The following GORAB variants were observed in gnomAD, a reference collection of about 807,000 sequenced individuals.
The protein encoded by GORAB is RAB6-interacting golgin.
GORAB carries 17 observed loss-of-function variants against 29.9 expected under a neutral mutation model. The observed-to-expected ratio is 0.57, with a 90% CI of 0.39 to 0.85. GORAB has a LOEUF of 0.85. Ranked by LOEUF, GORAB falls within the 40% of genes least tolerant of loss-of-function variation. The pLI, the probability that GORAB is intolerant of heterozygous loss-of-function variation, is 0.00. For synonymous variants in GORAB, 183 were observed against 157.2 expected (o/e 1.16, Z -1.23); for missense variants, 442 against 437.8 (o/e 1.01, Z -0.09).
At chr1:170,543,002 C>T (rs1285171009) in intron 3 of GORAB, among the ~76,000 whole-genome samples, 1 of 152,062 alleles carries the variant, frequency 6.6e-6, no homozygotes, top group Non-Finnish European at 1.5e-5. Flanking sequence ...TGACATACTC[C>T]CATGAATCTT....
intron 2 of GORAB, among the ~76,000 whole-genome samples, chr1:170,541,357 A>G (rs1288730607): frequency 1.3e-5 from 2 of 152,088 alleles, no homozygotes; most frequent in African/African-American, 4.8e-5. Flanking sequence ...GTTACCATGA[A>G]GCTCTCTGAG....
At chr1:170,544,647 T>TATGG in intron 3 of GORAB, 58 bp from the exon 4 acceptor site, 1 of 1,458,068 alleles carries the variant, frequency 6.9e-7, no homozygotes, top group Non-Finnish European at 9.6e-7. Flanking sequence ...TTACATTGTA[T>TATGG]ATGGACACAT....
intron 3 of GORAB, among the ~76,000 whole-genome samples, chr1:170,543,425 G>C (rs1354408151): frequency 6.6e-6 from 1 of 151,922 alleles, no homozygotes; most frequent in African/African-American, 2.4e-5. Flanking sequence ...TATGTGTAGG[G>C]GCAGGAGAAG....
chr1:170,538,298 A>G (rs1649179004), intron 1 of GORAB, among the ~76,000 whole-genome samples: 1 of 152,194 alleles, frequency 6.6e-6, no homozygotes, highest in African/African-American at 2.4e-5. Flanking sequence ...TTTTGCTTCA[A>G]AAGTCAATAT....
chr1:170,549,419 T>G (rs554971175), intron 4 of GORAB, among the ~76,000 whole-genome samples: 1 of 152,344 alleles, frequency 6.6e-6, no homozygotes, highest in Non-Finnish European at 1.5e-5. Flanking sequence ...CTTCAGTGAT[T>G]TATCCAGGGT....
intron 4 of GORAB, among the ~76,000 whole-genome samples, chr1:170,550,432 T>C (rs1650036511): frequency 6.6e-6 from 1 of 152,226 alleles, no homozygotes; most frequent in Admixed American, 6.5e-5. Flanking sequence ...CTTCTAAGCA[T>C]TGAAAAGAAT....
intron 1 of GORAB, among the ~76,000 whole-genome samples, chr1:170,532,856 G>C (rs1217470184): frequency 6.6e-6 from 1 of 152,138 alleles, no homozygotes. Context: ...TCTTTGAGAG[G>C]GTAGATGTGA....
At chr1:170,543,839 G>A (rs1041615299) in intron 3 of GORAB, among the ~76,000 whole-genome samples, 1 of 152,028 alleles carries the variant, frequency 6.6e-6, no homozygotes, top group African/African-American at 2.4e-5. Flanking sequence ...ATTAATAAAT[G>A]GACAATGAAG....
intron 3 of GORAB, among the ~76,000 whole-genome samples, chr1:170,542,916 C>T (rs1649523499): frequency 6.6e-6 from 1 of 152,096 alleles, no homozygotes; most frequent in Admixed American, 6.6e-5. Context: ...AAATTAGCAA[C>T]AAATGCAAGT....
At position 170,545,071 on chromosome 1, in the gene GORAB, T is replaced by G. The variant is rs112539784; in HGVS notation, c.662+226T>G. The G allele has an allele frequency of 2.4e-3, 2,932 of 1,220,264 alleles. 60 individuals are homozygous for G. In the African/African-American group the frequency reaches 0.041, roughly 17 times the overall value. The allele number at this position is 1,220,264 out of a possible 1,614,324, so 75.6% of individuals were successfully genotyped here. A position where few individuals can be genotyped will look rare whatever the true frequency, so the allele number is the denominator to read the frequency against. On this transcript the variant is annotated intron_variant, in intron 4 of 4. Transcript: ENST00000367763. ...TGTTCGTGTGCCATTAGAGCAGTTC[T>G]TGCATTATTTATTTACGTTTTAGTC...
rs749435848 is a variant in GORAB at position 170,532,205 on chromosome 1, G to T, written c.-19G>T. The stretch of plus-strand genomic sequence containing the variant: ...CTGCGAGATTTGGGCACTTTTGGGG[G>T]TGCCGGTGGCCCGGGCCGATGGCGC... On this transcript the variant is annotated 5_prime_UTR_variant, in exon 1 of 5. Transcript: ENST00000367763. 1.9e-6 allele frequency: 3 copies of T among 1,614,000 alleles called. No individual in the cohort carries two copies. Among genetic ancestry groups the T allele is most frequent in the Non-Finnish European group, 2.5e-6 (3 of 1,180,050 alleles).
chr1:170,534,123 A>C (rs139052764), intron 1 of GORAB, among the ~76,000 whole-genome samples: 618 of 152,330 alleles, frequency 4.1e-3, no homozygotes, highest in Non-Finnish European at 6.1e-3. Flanking sequence ...TAATATTAAG[A>C]AGTTGGAAAC....
chr1:170,535,248 A>G (rs1648985766), intron 1 of GORAB, among the ~76,000 whole-genome samples: 1 of 152,240 alleles, frequency 6.6e-6, no homozygotes, highest in Admixed American at 6.5e-5. Context: ...GTCTATCCTT[A>G]AAGAGTAGTT....
intron 2 of GORAB, among the ~76,000 whole-genome samples, chr1:170,541,715 A>G (rs1190729126): frequency 6.6e-6 from 1 of 152,212 alleles, no homozygotes; most frequent in African/African-American, 2.4e-5. Flanking sequence ...TATTTATTTT[A>G]GAATTGGACA....
At chr1:170,542,105 AATATGAC>A (rs1469380664) in intron 2 of GORAB, among the ~76,000 whole-genome samples, 1 of 152,254 alleles carries the variant, frequency 6.6e-6, no homozygotes, top group Non-Finnish European at 1.5e-5. Context: ...AGGTATAAAT[AATATGAC>A]ATCAGCTACA....
At position 170,552,079 on chromosome 1, in the gene GORAB, G is replaced by A; in HGVS notation, c.727G>A (p.Glu243Lys). 1 of 1,614,018 alleles carries A rather than the reference G, an allele frequency of 6.2e-7. No individual in the cohort carries two copies. The highest frequency in any genetic ancestry group is 8.5e-7 in the Non-Finnish European group (1 of 1,179,970). Residue 243 changes from glutamate to lysine, a missense_variant, in exon 5 of 5, where the codon GAG becomes AAG. Coordinates refer to ENST00000367763, the MANE Select transcript of GORAB (RefSeq NM_152281.3). Reference protein sequence around the residue: ...AAKLDIQRKTEIKEQLTEHLC... With the variant: ...AAKLDIQRKTKIKEQLTEHLC... ...AAAGCTAGATATACAGCGCAAGACT[G>A]AGATAAAAGAGCAACTCACTGAACA...
Position 170,553,181 on chromosome 1 carries a change from AT to A in GORAB, c.*721del, listed in dbSNP as rs995989184. 2 of 431,854 alleles carry A rather than the reference AT, an allele frequency of 4.6e-6. No individual in the cohort carries two copies. The highest frequency in any genetic ancestry group is 4.1e-5 in the African/African-American group (2 of 48,700). The allele number at this position is 431,854 out of a possible 1,614,324, so 26.8% of individuals were successfully genotyped here. On this transcript the variant is annotated 3_prime_UTR_variant, in exon 5 of 5. Transcript: ENST00000367763. ...TCGATGAATTGATTAAATTTAGACAATTAAAACATTTCTAAAGTGAGACTGA... is the reference window on the plus strand; with the variant it reads ...TCGATGAATTGATTAAATTTAGACAATAAAACATTTCTAAAGTGAGACTGA...
intron 1 of GORAB, among the ~76,000 whole-genome samples, chr1:170,534,704 G>A (rs1648945398): frequency 6.6e-6 from 1 of 152,160 alleles, no homozygotes; most frequent in South Asian, 2.1e-4. Context: ...TGGAGCTTAG[G>A]AGCAAAAGGC....
rs377643172 is a variant in GORAB, at chr1:170,539,370, C to T, written c.222C>T (p.Asn74=). 1.1e-5 allele frequency: 18 copies of T among 1,613,982 alleles called. No individual in the cohort carries two copies. Among genetic ancestry groups the T allele is most frequent in the East Asian group, 4.5e-5 (2 of 44,888 alleles). ...TTTCAGCACCAAAACAGAGAGTTAA[C>T]GTTCAAAAACCACCTTTTTCTTCCC... ...QLLSAPKQRV[N]VQKPPFSSPT... The change falls in exon 2 of 5, where the codon AAC becomes AAT. Residue 74 remains asparagine (N), a synonymous_variant. Coordinates refer to ENST00000367763, the MANE Select transcript of GORAB (RefSeq NM_152281.3).
Sources: gnomAD v4.1 joint callset for allele counts (sites outside exome capture counted in the v4.1 genomes callset) on GRCh38, gnomAD v4.1.1 for gene constraint, MANE v1.5 for transcripts, NCBI Gene and HGNC (gene_info 2026-07-23, HGNC 2026-07-21) for gene names.